RAPH1: variants seen among roughly 807,000 people sequenced by gnomAD.
RAPH1 encodes Ras association (RalGDS/AF-6) and pleckstrin homology domains 1, also known as ras-associated and pleckstrin homology domains-containing protein 1.
In RAPH1, 18 loss-of-function variants were observed where a neutral mutation model predicts 88.1. That is an observed-to-expected ratio of 0.20 (90% confidence interval 0.14 to 0.30). The LOEUF (loss-of-function observed/expected upper bound fraction) is 0.30. Ranked by LOEUF, RAPH1 falls within the 10% of genes least tolerant of loss-of-function variation. RAPH1 has a pLI of 1.00. For missense variants in RAPH1, 1,448 were observed against 1,543.2 expected (o/e 0.94, Z 1.03); for synonymous variants, 587 against 559.0 (o/e 1.05, Z -0.71).
At position 203,448,121 on chromosome 2, in the gene RAPH1, A is replaced by C; in HGVS notation, c.1513-42T>G. 1.3e-6 allele frequency: 2 copies of C among 1,596,928 alleles called. No homozygotes were observed. The highest frequency in any genetic ancestry group is 1.7e-6 in the Non-Finnish European group (2 of 1,167,976). The stretch of plus-strand genomic sequence containing the variant: ...AAATGGTGACATCTAAACTTTACTG[A>C]GTATGATACAGAAGGATAAGGTGAA... On this transcript the variant is annotated intron_variant, in intron 11 of 13. Transcript: ENST00000319170. The surrounding 1 kb of genome is among the most constrained non-coding windows in gnomAD (Gnocchi z 4.1).
chr2:203,492,889 T>C (rs555483758), intron 2 of RAPH1, among the ~76,000 whole-genome samples: 3 of 151,794 alleles, frequency 2.0e-5, no homozygotes, highest in Non-Finnish European at 4.4e-5. Flanking sequence ...TCCAGAAAAA[T>C]GCACATACAT....
intron 4 of RAPH1, among the ~76,000 whole-genome samples, chr2:203,468,267 T>G (rs2098530199): frequency 6.6e-6 from 1 of 152,184 alleles, no homozygotes; most frequent in Non-Finnish European, 1.5e-5. Context: ...CGGTGTGGCT[T>G]GAGTGATCTG....
At chr2:203,455,062 A>C (rs2098518153) in intron 9 of RAPH1, among the ~76,000 whole-genome samples, 1 of 152,218 alleles carries the variant, frequency 6.6e-6, no homozygotes, top group Non-Finnish European at 1.5e-5. Context: ...AGTGATAGCT[A>C]CACCAGGGTG....
At chr2:203,532,505 C>A (rs1373164081) in intron 1 of RAPH1, among the ~76,000 whole-genome samples, 1 of 152,110 alleles carries the variant, frequency 6.6e-6, no homozygotes, top group African/African-American at 2.4e-5. Context: ...AATTAGGCTG[C>A]CCGGTTTCAA....
chr2:203,502,820 A>C (rs868454200), intron 1 of RAPH1, among the ~76,000 whole-genome samples: 9 of 138,440 alleles, frequency 6.5e-5, no homozygotes, highest in South Asian at 2.3e-4. Flanking sequence ...ACTCCGTCCC[A>C]AAAAAAAAAA....
chr2:203,520,639 A>G (rs1475808163), intron 1 of RAPH1, among the ~76,000 whole-genome samples: 1 of 152,088 alleles, frequency 6.6e-6, no homozygotes, highest in African/African-American at 2.4e-5. Flanking sequence ...AAAAGGAAAA[A>G]AAAAAAACTA....
At chr2:203,516,958 C>A (rs564684245) in intron 1 of RAPH1, among the ~76,000 whole-genome samples, 1 of 151,034 alleles carries the variant, frequency 6.6e-6, no homozygotes, top group South Asian at 2.1e-4. Flanking sequence ...GGTGTGAACC[C>A]GGGAGGCAGA....
At chr2:203,533,258 G>A (rs1431998436) in intron 1 of RAPH1, 3 of 152,056 alleles carry the variant, frequency 2.0e-5, no homozygotes, top group African/African-American at 7.3e-5. Flanking sequence ...TTTATCATAA[G>A]GCAACATCTA....
At chr2:203,505,702 AATTG>A (rs141353745) in intron 1 of RAPH1, among the ~76,000 whole-genome samples, 3,173 of 152,222 alleles carry the variant, frequency 0.021, 128 homozygotes, top group African/African-American at 0.073. Context: ...AACAACAAAT[AATTG>A]ATTGTGTTGT....
At position 203,434,566 on chromosome 2, in the gene RAPH1, CA is replaced by C. The variant is rs369267717; in HGVS notation, c.*4870del. ...CTAGAAGGGGTTATTTTACAAGTAG[CA>C]AAAAAAAAAAAAAAAGTAGGAGGTG... On this transcript the variant is annotated 3_prime_UTR_variant, in exon 14 of 14. Transcript: ENST00000319170. The C allele has an allele frequency of 0.017, 1,790 of 102,490 alleles. 11 individuals are homozygous for C. The highest frequency in any genetic ancestry group is 0.031 in the African/African-American group (1,024 of 33,050). The allele number at this position is 102,490 out of a possible 1,614,324, so 6.3% of individuals were successfully genotyped here.
chr2:203,469,651 A>G (rs1461014797), intron 4 of RAPH1, among the ~76,000 whole-genome samples: 1 of 152,218 alleles, frequency 6.6e-6, no homozygotes, highest in Non-Finnish European at 1.5e-5. Flanking sequence ...TTCCCTAGTT[A>G]ATGATGACAA....
chr2:203,440,225 G>A lies in RAPH1; in HGVS notation c.2965C>T (p.His989Tyr), dbSNP rs2098502216. ...ACCGAGGGTCTCTTGGGCTCGGGGT[G>A]CTCTGCACCACTGCTGGATTTAATG... Reference protein sequence around the residue: ...SSIKSSSGAEHPEPKRPSVDS... With the variant: ...SSIKSSSGAEYPEPKRPSVDS... Residue 989 changes from histidine to tyrosine, a missense_variant, in exon 14 of 14, where the codon CAC becomes TAC. Around this residue, in one of 2 missense-constraint regions of RAPH1, gnomAD observed 935 missense variants for 890.1 expected, o/e 1.05. Transcript: ENST00000319170. The A allele has an allele frequency of 6.2e-7, 1 of 1,614,004 alleles. No individual in the cohort carries two copies. The highest frequency in any genetic ancestry group is 8.5e-7 in the Non-Finnish European group (1 of 1,180,012).
At chr2:203,518,221 A>G (rs1338719618) in intron 1 of RAPH1, among the ~76,000 whole-genome samples, 1 of 152,214 alleles carries the variant, frequency 6.6e-6, no homozygotes, top group Non-Finnish European at 1.5e-5. Flanking sequence ...AGGAAAATAA[A>G]AGAATACTAT....
In RAPH1 at chr2:203,448,933, C is replaced by T; in HGVS notation, c.1414-97G>A. 1 of 688,546 alleles carries T rather than the reference C, an allele frequency of 1.5e-6. No individual in the cohort carries two copies. Among genetic ancestry groups the T allele is most frequent in the South Asian group, 2.4e-5 (1 of 41,196 alleles). 42.7% of individuals were successfully genotyped at this position (688,546 alleles called of 1,614,324 possible). On this transcript the variant is annotated intron_variant, in intron 10 of 13. Coordinates refer to ENST00000319170, the MANE Select transcript of RAPH1 (RefSeq NM_213589.3). This position sits in a 1 kb window ranked among gnomAD's most constrained non-coding sequence, Gnocchi z 4.1. ...AAACATATCCTGACAAGTTATAGGC[C>T]ATTAGAGTAATGGCCAATACATTTA...
At chr2:203,482,091 G>T (rs1179444899) in intron 4 of RAPH1, among the ~76,000 whole-genome samples, 1 of 151,916 alleles carries the variant, frequency 6.6e-6, no homozygotes, top group African/African-American at 2.4e-5. Context: ...ATTATTGGGG[G>T]GGTTTATTTG....
At position 203,434,566 on chromosome 2, in the gene RAPH1, C is replaced by CCAAA. The variant is rs879072049; in HGVS notation, c.*4870_*4871insTTTG. On this transcript the variant is annotated 3_prime_UTR_variant, in exon 14 of 14. Transcript: ENST00000319170. ...CTAGAAGGGGTTATTTTACAAGTAGCAAAAAAAAAAAAAAAAGTAGGAGGT... is the reference window on the plus strand; with the variant it reads ...CTAGAAGGGGTTATTTTACAAGTAGCCAAAAAAAAAAAAAAAAAAAGTAGGAGGT... 2 of 102,598 alleles carry CCAAA rather than the reference C, an allele frequency of 1.9e-5. No individual in the cohort carries two copies. The highest frequency in any genetic ancestry group is 6.1e-5 in the African/African-American group (2 of 33,004). 6.4% of individuals were successfully genotyped at this position (102,598 alleles called of 1,614,324 possible).
intron 4 of RAPH1, among the ~76,000 whole-genome samples, chr2:203,462,343 T>G (rs1415679676): frequency 1.3e-5 from 2 of 152,208 alleles, no homozygotes; most frequent in Non-Finnish European, 2.9e-5. Context: ...CTTTGAATAT[T>G]AATGTTCTGT....
At chr2:203,486,644 CAT>C (rs1174653588) in intron 4 of RAPH1, among the ~76,000 whole-genome samples, 6 of 152,170 alleles carry the variant, frequency 3.9e-5, no homozygotes, top group Admixed American at 1.3e-4. Flanking sequence ...TTTTCCGTAA[CAT>C]ATCTCATAGA....
chr2:203,499,509 G>A (rs1422142831), intron 1 of RAPH1, among the ~76,000 whole-genome samples: 1 of 152,018 alleles, frequency 6.6e-6, no homozygotes, highest in Admixed American at 6.6e-5. Context: ...ATCACCTGAG[G>A]TCAGGAGTTC....
Sources: allele counts gnomAD v4.1 joint callset (sites outside exome capture counted in the v4.1 genomes callset), GRCh38; gene constraint gnomAD v4.1.1; regional missense constraint gnomAD v4.1.1; non-coding constraint Gnocchi (gnomAD v3.1); transcripts MANE v1.5; gene names NCBI Gene and HGNC (gene_info 2026-07-23, HGNC 2026-07-21).